Variants in CCP110 observed in about 807,000 individuals in gnomAD.
CCP110 encodes centriolar coiled-coil protein 110.
Under a neutral mutation model 105.5 loss-of-function variants are expected in CCP110, and 43 were observed. The observed-to-expected ratio is 0.41, with a 90% CI of 0.32 to 0.53. The LOEUF (loss-of-function observed/expected upper bound fraction) is 0.53. CCP110 is among the 20% of genes least tolerant of loss of function. The probability of loss-of-function intolerance (pLI) is 0.32; values close to 1 mark genes in which losing one functional copy is unlikely to be tolerated. For synonymous variants in CCP110, 353 were observed against 392.1 expected, an observed-to-expected ratio of 0.90 and a Z score of 1.18; for missense variants, 1,016 against 1,189.1, an observed-to-expected ratio of 0.85 and a Z score of 2.14.
intron 1 of CCP110, chr16:19,526,039 A>G (rs1485436506): frequency 6.6e-6 from 1 of 152,426 alleles, no homozygotes; most frequent in Non-Finnish European, 1.5e-5. Context: ...TATAATCTCC[A>G]TATTAGCACT....
rs917137530 is a variant in CCP110 at position 19,548,703 on chromosome 16, ACC to A, written c.2986+104_2986+105del. On this transcript the variant is annotated intron_variant, in intron 14 of 14. Coordinates refer to ENST00000381396, the Ensembl canonical transcript of CCP110. The surrounding 1 kb of genome is among the most constrained non-coding windows in gnomAD (Gnocchi z 4.1). ...GTGGAATAGATTGTCTTTCCTTGCC[ACC>A]ATAATTTTGGCATATTCACAGTCAT... The A allele has an allele frequency of 5.6e-6, 4 of 716,944 alleles. No individual in the cohort carries two copies. Among genetic ancestry groups the A allele is most frequent in the African/African-American group, 1.8e-5 (1 of 55,874 alleles). 44.4% of individuals were successfully genotyped at this position (716,944 alleles called of 1,614,324 possible).
At chr16:19,545,288 T>G (rs1417404596) in intron 10 of CCP110, 78 bp downstream of exon 10, 1 of 666,408 alleles carries the variant, frequency 1.5e-6, no homozygotes, top group East Asian at 2.7e-5. Flanking sequence ...TTTGGTTGAC[T>G]TCAGCACCCT....
chr16:19,540,916 T>TA, intron 5 of CCP110, 129 bp downstream of exon 5: 1 of 556,344 alleles, frequency 1.8e-6, no homozygotes, highest in Non-Finnish European at 3.1e-6. Context: ...GTCATTTTGA[T>TA]ACGTGAATGG....
chr16:19,532,784 T>C (rs1271068684), intron 3 of CCP110, among the ~76,000 whole-genome samples: 2 of 152,264 alleles, frequency 1.3e-5, no homozygotes, highest in Non-Finnish European at 2.9e-5. Context: ...ACACTGAATA[T>C]AATTGCTTAT....
chr16:19,530,868 C>T (rs191956781), intron 2 of CCP110, among the ~76,000 whole-genome samples: 43 of 152,154 alleles, frequency 2.8e-4, no homozygotes, highest in African/African-American at 9.6e-4. Context: ...GCAGGAGAAT[C>T]GCTTGAACCC....
At chr16:19,542,446 T>C (rs1050714176) in intron 6 of CCP110, among the ~76,000 whole-genome samples, 175 bp from the exon 7 acceptor site, 1 of 152,234 alleles carries the variant, frequency 6.6e-6, no homozygotes, top group East Asian at 1.9e-4. Context: ...CTGTTTGTGT[T>C]GAAAAGATCC....
At position 19,537,607 on chromosome 16, in the gene CCP110, T is replaced by C; in HGVS notation, c.1918+20T>C. 7.5e-7 allele frequency: 1 copy of C among 1,328,976 alleles called. No individual in the cohort carries two copies. Among genetic ancestry groups the C allele is most frequent in the Non-Finnish European group, 1.0e-6 (1 of 957,098 alleles). 82.3% of individuals were successfully genotyped at this position (1,328,976 alleles called of 1,614,324 possible). ...CCAAAGGTAAGGAATCTTTGAAGCG[T>C]TTGATACCTTCTATGCAGATACCTT... On this transcript the variant is annotated intron_variant, in intron 4 of 14. Coordinates refer to ENST00000381396, the Ensembl canonical transcript of CCP110.
At chr16:19,547,934 T>C in intron 12 of CCP110, 21 bp from the exon 13 acceptor site, 1 of 1,563,812 alleles carries the variant, frequency 6.4e-7, no homozygotes, top group South Asian at 1.1e-5. Context: ...TAAATTAATT[T>C]TTCATTTAAT....
chr16:19,537,254 A>G (rs1443364342), exon 4 of CCP110: 2 of 1,614,162 alleles, frequency 1.2e-6, no homozygotes, highest in Admixed American at 1.7e-5. Flanking sequence ...CAAGCCAGCC[A>G]GTATGTTAGA....
chr16:19,551,368 T>TGA (rs2151487632), exon 15 of CCP110: 1 of 835,510 alleles, frequency 1.2e-6, no homozygotes, highest in South Asian at 1.4e-5. Context: ...ATCAGAAGGC[T>TGA]GAGCACTTAT....
intron 1 of CCP110, chr16:19,526,619 A>G (rs1475339519): frequency 6.6e-6 from 1 of 152,196 alleles, no homozygotes; most frequent in East Asian, 1.9e-4. Flanking sequence ...TATTGATTAA[A>G]CTATTTAGAA....
chr16:19,536,448 A>C, exon 4 of CCP110: 1 of 1,614,008 alleles, frequency 6.2e-7, no homozygotes, highest in Non-Finnish European at 8.5e-7. Context: ...AATGAGAGTC[A>C]TTTAGACAAA....
chr16:19,535,905 TGA>T, intron 3 of CCP110, 33 bp from the exon 4 acceptor site: 1 of 1,353,686 alleles, frequency 7.4e-7, no homozygotes, highest in Non-Finnish European at 1.0e-6. Context: ...TTTTGTGCAA[TGA>T]GGAAATATTA....
chr16:19,535,974 A>T, exon 4 of CCP110: 1 of 1,603,576 alleles, frequency 6.2e-7, no homozygotes, highest in Non-Finnish European at 8.5e-7. Flanking sequence ...GATTTTGATC[A>T]GTGGGAGATG....
chr16:19,547,872 C>A, intron 12 of CCP110, 83 bp from the exon 13 acceptor site: 2 of 946,498 alleles, frequency 2.1e-6, no homozygotes, highest in South Asian at 1.3e-5. Context: ...ACCTTACAGT[C>A]ATCATCTTTC....
chr16:19,536,605 G>A, exon 4 of CCP110: 1 of 1,614,136 alleles, frequency 6.2e-7, no homozygotes, highest in Non-Finnish European at 8.5e-7. Flanking sequence ...CAAGCAGCAT[G>A]AGTATGCCAG....
At chr16:19,544,666 T>C (rs1430597602) in intron 8 of CCP110, 131 bp from the exon 9 acceptor site, 4 of 605,104 alleles carry the variant, frequency 6.6e-6, no homozygotes, top group South Asian at 2.2e-5. Flanking sequence ...GAGGGATTCA[T>C]GGAACCAGTC....
chr16:19,537,346 T>C (rs368563531), exon 4 of CCP110: 4 of 1,613,820 alleles, frequency 2.5e-6, no homozygotes, highest in Non-Finnish European at 3.4e-6. Flanking sequence ...AAAACCAGAA[T>C]ACGAGACAGC....
intron 2 of CCP110, 47 bp from the exon 3 acceptor site, chr16:19,532,369 G>A (rs1050336299): frequency 3.3e-6 from 5 of 1,499,520 alleles, no homozygotes; most frequent in Non-Finnish European, 3.6e-6. Flanking sequence ...CCGATTTTAT[G>A]ATATTTTTAT....
Sources: gnomAD v4.1 joint callset for allele counts (sites outside exome capture counted in the v4.1 genomes callset) on GRCh38, gnomAD v4.1.1 for gene constraint, Gnocchi (gnomAD v3.1) non-coding constraint, MANE v1.5 for transcripts, NCBI Gene and HGNC (gene_info 2026-07-23, HGNC 2026-07-21) for gene names.